RERGL: variants seen among roughly 807,000 people sequenced by gnomAD.
The protein encoded by RERGL is ras-related and estrogen-regulated growth inhibitor-like protein.
A neutral mutation model predicts 24.7 loss-of-function variants in RERGL; 22 were observed. The ratio of observed to expected loss-of-function variants is 0.89; its 90% CI spans 0.64 to 1.27. The LOEUF (loss-of-function observed/expected upper bound fraction) is 1.27. Among genes scored for constraint, RERGL ranks in the 50% most tolerant of loss-of-function variants. RERGL has a pLI of 0.00. For missense variants in RERGL, 259 were observed against 235.3 expected, an observed-to-expected ratio of 1.10 and a Z score of -0.66; for synonymous variants, 76 against 82.6, an observed-to-expected ratio of 0.92 and a Z score of 0.43.
chr12:18,085,560 TA>T, intron 3 of RERGL, 59 bp downstream of exon 3: 1 of 1,179,256 alleles, frequency 8.5e-7, no homozygotes. Flanking sequence ...CTTCAAATCA[TA>T]ATTGCTAAAA....
chr12:18,086,047 G>A (rs905177438), intron 2 of RERGL, among the ~76,000 whole-genome samples: 12 of 57,108 alleles, frequency 2.1e-4, no homozygotes, highest in African/African-American at 6.7e-4. Flanking sequence ...TTTTTTTTTT[G>A]TATTTTTAGT....
chr12:18,085,594 TA>T (rs772393249), intron 3 of RERGL, 25 bp downstream of exon 3: 4 of 1,349,342 alleles, frequency 3.0e-6, no homozygotes, highest in Non-Finnish European at 4.2e-6. Context: ...AATAAATCAA[TA>T]AAAAAGGTGT....
intron 2 of RERGL, 32 bp downstream of exon 2, chr12:18,088,868 T>C: frequency 7.2e-7 from 1 of 1,391,652 alleles, no homozygotes; most frequent in Non-Finnish European, 1.0e-6. Flanking sequence ...GTTAAAAGTT[T>C]TAAGGTAAAA....
chr12:18,081,483 AGATAC>A lies in RERGL; in HGVS notation c.333-15_333-11del. ...TGCTGATTCCACAGCTCTGAAATAG[AGATAC>A]ACAATTTTTAGCAAGATTGTTTTAA... is the stretch of plus-strand genomic sequence containing the variant. On this transcript the variant is annotated splice_polypyrimidine_tract_variant and intron_variant, in intron 4 of 4. Coordinates refer to ENST00000538724, the MANE Select transcript of RERGL (RefSeq NM_001286201.2). 2 of 1,535,600 alleles carry A rather than the reference AGATAC, an allele frequency of 1.3e-6. No individual in the cohort carries two copies. The highest frequency in any genetic ancestry group is 1.8e-6 in the Non-Finnish European group (2 of 1,137,146).
intron 4 of RERGL, among the ~76,000 whole-genome samples, chr12:18,083,220 A>G (rs1430467497): frequency 7.2e-5 from 11 of 152,144 alleles, no homozygotes; most frequent in Non-Finnish European, 1.6e-4. Flanking sequence ...TGAAATAGTG[A>G]TATATTTTGC....
At chr12:18,086,142 G>T (rs867269814) in intron 2 of RERGL, among the ~76,000 whole-genome samples, 1 of 150,552 alleles carries the variant, frequency 6.6e-6, no homozygotes, top group African/African-American at 2.4e-5. Flanking sequence ...CAAAGTGCTG[G>T]GACTACAGGC....
chr12:18,085,503 GT>G, intron 3 of RERGL, 116 bp downstream of exon 3: 1 of 678,420 alleles, frequency 1.5e-6, no homozygotes, highest in Non-Finnish European at 2.5e-6. Context: ...AGAAACTTCG[GT>G]TTTAACACCG....
At chr12:18,083,045 C>T (rs941940673) in intron 4 of RERGL, among the ~76,000 whole-genome samples, 2 of 152,014 alleles carry the variant, frequency 1.3e-5, no homozygotes, top group Non-Finnish European at 2.9e-5. Flanking sequence ...GGCCCTGATT[C>T]CACTAAAAGT....
intron 4 of RERGL, among the ~76,000 whole-genome samples, chr12:18,081,911 C>T (rs979803387): frequency 3.9e-5 from 6 of 152,080 alleles, no homozygotes; most frequent in African/African-American, 9.7e-5. Context: ...GAGGCCAAGG[C>T]GGGCAGATCA....
rs1197270148 is a variant in RERGL at position 18,081,543 on chromosome 12, AC to A, written c.333-71del. 194 of 1,276,636 alleles carry A rather than the reference AC, an allele frequency of 1.5e-4. 1 individual carries two copies. In the African/African-American group the frequency reaches 2.5e-3, roughly 16 times the overall value. 79.1% of individuals were successfully genotyped at this position (1,276,636 alleles called of 1,614,324 possible). A position where few individuals can be genotyped will look rare whatever the true frequency, so the allele number is the denominator to read the frequency against. On this transcript the variant is annotated intron_variant, in intron 4 of 4. Coordinates refer to ENST00000538724, the MANE Select transcript of RERGL (RefSeq NM_001286201.2). ...TCTTTTTTTTAAAAAAAAAAAAAAA[AC>A]AGATTTATAACCAAAGGATTATAAA...
chr12:18,089,848 C>T (rs1947253738), intron 1 of RERGL, among the ~76,000 whole-genome samples: 1 of 151,980 alleles, frequency 6.6e-6, no homozygotes, highest in Non-Finnish European at 1.5e-5. Context: ...TACAAATTAA[C>T]ATTTCAGATA....
chr12:18,088,864 A>T (rs752542155), intron 2 of RERGL, 36 bp downstream of exon 2: 1 of 1,324,754 alleles, frequency 7.5e-7, no homozygotes, highest in Non-Finnish European at 1.1e-6. Context: ...CGATGTTAAA[A>T]GTTTTAAGGT....
rs1002873756 is a variant in RERGL at position 18,090,109 on chromosome 12, C to A, written c.32G>T (p.Gly11Val). The A allele has an allele frequency of 1.3e-6, 2 of 1,533,330 alleles. No individual in the cohort carries two copies. Among genetic ancestry groups the A allele is most frequent in the Admixed American group, 2.0e-5 (1 of 50,466 alleles). 95.0% of individuals were successfully genotyped at this position (1,533,330 alleles called of 1,614,324 possible). A position where few individuals can be genotyped will look rare whatever the true frequency, so the allele number is the denominator to read the frequency against. ...CTCACCAGATTTGCCTGTTCCTTCA[C>A]CACCCAAGACAGCAAGCTTCACATC... Reference protein sequence around the residue: MNDVKLAVLGGEGTGKSALTV... With the variant: MNDVKLAVLGVEGTGKSALTV... Residue 11 changes from glycine (G) to valine (V), a missense_variant, in exon 1 of 5, where the codon GGT becomes GTT. Transcript: ENST00000538724.
At chr12:18,086,100 C>G (rs1003856911) in intron 2 of RERGL, among the ~76,000 whole-genome samples, 20 of 149,766 alleles carry the variant, frequency 1.3e-4, no homozygotes, top group African/African-American at 4.9e-4. Context: ...GTCTCAATCT[C>G]CTGACCTCGT....
At chr12:18,085,409 C>T (rs567186122) in intron 3 of RERGL, among the ~76,000 whole-genome samples, 7 of 152,176 alleles carry the variant, frequency 4.6e-5, no homozygotes, top group Admixed American at 1.3e-4. Context: ...TGATCATTTT[C>T]GACATGAACT....
At chr12:18,083,781 C>A (rs1401896942) in intron 4 of RERGL, among the ~76,000 whole-genome samples, 1 of 152,092 alleles carries the variant, frequency 6.6e-6, no homozygotes, top group African/African-American at 2.4e-5. Context: ...TATTTAGATT[C>A]TAAGGGCAAA....
chr12:18,081,228 A>G lies in RERGL; in HGVS notation c.578T>C (p.Ile193Thr). 6.2e-7 allele frequency: 1 copy of G among 1,608,440 alleles called. No individual in the cohort carries two copies. Among genetic ancestry groups the G allele is most frequent in the Non-Finnish European group, 8.5e-7 (1 of 1,177,938 alleles). Residue 193 changes from isoleucine (I) to threonine (T), a missense_variant, in exon 5 of 5, where the codon ATC becomes ACC. Coordinates refer to ENST00000538724, the MANE Select transcript of RERGL (RefSeq NM_001286201.2). ...PSGSKSMAKL[I>T]NNVFGKRRKS... ...CCTTCTCTTTCCAAATACATTATTG[A>G]TCAATTTGGCCATTGATTTAGATCC...
At chr12:18,086,165 G>T (rs995129177) in intron 2 of RERGL, among the ~76,000 whole-genome samples, 3 of 151,480 alleles carry the variant, frequency 2.0e-5, no homozygotes, top group African/African-American at 7.3e-5. Flanking sequence ...GAGCCACCGC[G>T]CCCAGCCAAT....
intron 4 of RERGL, 60 bp from the exon 5 acceptor site, chr12:18,081,533 A>G (rs1376591601): frequency 3.6e-6 from 5 of 1,381,776 alleles, no homozygotes; most frequent in Non-Finnish European, 1.9e-6. Flanking sequence ...TTTTTAAAAA[A>G]AAAAAAAAAA....
Sources: allele counts gnomAD v4.1 joint callset (sites outside exome capture counted in the v4.1 genomes callset), GRCh38; gene constraint gnomAD v4.1.1; transcripts MANE v1.5; gene names NCBI Gene and HGNC (gene_info 2026-07-23, HGNC 2026-07-21).